Variants in PABPC4L observed in about 807,000 individuals in gnomAD.
PABPC4L encodes the protein polyadenylate-binding protein 4-like.
For missense variants in PABPC4L, 452 were observed against 451.4 expected, an observed-to-expected ratio of 1.00 and a Z score of -0.01; for synonymous variants, 169 against 164.1, an observed-to-expected ratio of 1.03 and a Z score of -0.23.
the PABPC4L span, among the ~76,000 whole-genome samples, chr4:133,997,116 C>T: frequency 6.6e-6 from 1 of 152,060 alleles, no homozygotes; most frequent in South Asian, 2.1e-4. Flanking sequence ...ACAATTAAGG[C>T]CTCTCTATTA....
At chr4:134,037,987 G>A in the PABPC4L span, among the ~76,000 whole-genome samples, 1 of 152,082 alleles carries the variant, frequency 6.6e-6, no homozygotes, top group African/African-American at 2.4e-5. Context: ...ATTATTTTGA[G>A]ATACGTTTCA....
chr4:134,126,637 CA>C, the PABPC4L span, among the ~76,000 whole-genome samples: 1 of 151,898 alleles, frequency 6.6e-6, no homozygotes, highest in Non-Finnish European at 1.5e-5. Flanking sequence ...ATAAAACTTC[CA>C]AATTGTAATT....
the PABPC4L span, among the ~76,000 whole-genome samples, chr4:133,973,522 C>T: frequency 1.3e-5 from 2 of 152,040 alleles, no homozygotes; most frequent in Admixed American, 6.6e-5. Context: ...AATCCCATTC[C>T]CTTCTCCATG....
At chr4:134,172,009 A>C in the PABPC4L span, among the ~76,000 whole-genome samples, 3 of 152,142 alleles carry the variant, frequency 2.0e-5, no homozygotes, top group Non-Finnish European at 4.4e-5. Context: ...GCTCAAAAAA[A>C]TCAAAGATGA....
At chr4:134,126,854 AG>A in the PABPC4L span, among the ~76,000 whole-genome samples, 1 of 152,112 alleles carries the variant, frequency 6.6e-6, no homozygotes, top group Non-Finnish European at 1.5e-5. Flanking sequence ...CTGCTTTCTA[AG>A]ATGGGAGGCT....
the PABPC4L span, among the ~76,000 whole-genome samples, chr4:133,996,289 G>C: frequency 5.3e-5 from 8 of 152,056 alleles, no homozygotes; most frequent in Non-Finnish European, 1.2e-4. Flanking sequence ...ATTGGGACCT[G>C]TTGCCCTTGT....
At chr4:134,128,018 G>A in the PABPC4L span, among the ~76,000 whole-genome samples, 1 of 152,050 alleles carries the variant, frequency 6.6e-6, no homozygotes, top group Non-Finnish European at 1.5e-5. Context: ...AAAATACACT[G>A]GAAAGTTTCA....
chr4:134,129,929 G>A, the PABPC4L span, among the ~76,000 whole-genome samples: 2 of 151,908 alleles, frequency 1.3e-5, no homozygotes, highest in African/African-American at 4.8e-5. Flanking sequence ...GCCAGGCGTG[G>A]TGGTGTGCAC....
chr4:134,087,232 A>G, the PABPC4L span, among the ~76,000 whole-genome samples: 3 of 152,078 alleles, frequency 2.0e-5, no homozygotes, highest in African/African-American at 7.2e-5. Flanking sequence ...CATATACACC[A>G]TGGAATACTA....
the PABPC4L span, among the ~76,000 whole-genome samples, chr4:134,170,394 G>A: frequency 6.6e-6 from 1 of 152,196 alleles, no homozygotes; most frequent in Admixed American, 6.5e-5. Flanking sequence ...ATGATAGAAT[G>A]TATCAGTCCA....
chr4:134,081,348 G>C, the PABPC4L span, among the ~76,000 whole-genome samples: 2 of 152,130 alleles, frequency 1.3e-5, no homozygotes, highest in African/African-American at 2.4e-5. Flanking sequence ...GCTAGTTGAG[G>C]TTCCAAAGAA....
At chr4:134,125,202 A>G in the PABPC4L span, among the ~76,000 whole-genome samples, 1 of 152,208 alleles carries the variant, frequency 6.6e-6, no homozygotes, top group Non-Finnish European at 1.5e-5. Flanking sequence ...ACCCTGATGG[A>G]AAAAAACCAA....
chr4:134,137,988 C>T, the PABPC4L span, among the ~76,000 whole-genome samples: 1 of 151,744 alleles, frequency 6.6e-6, no homozygotes, highest in African/African-American at 2.4e-5. Context: ...TTACTGTACC[C>T]ATTCCACTAC....
the PABPC4L span, among the ~76,000 whole-genome samples, chr4:133,962,116 A>C: frequency 6.6e-6 from 1 of 152,206 alleles, no homozygotes; most frequent in Non-Finnish European, 1.5e-5. Context: ...CCCGTGGGAC[A>C]AAAGAATCTG....
chr4:133,984,202 A>G, the PABPC4L span, among the ~76,000 whole-genome samples: 11 of 151,998 alleles, frequency 7.2e-5, 1 homozygote, highest in South Asian at 2.1e-3. Flanking sequence ...GACTTTAAAA[A>G]CAATTTCTAA....
At chr4:134,047,290 G>A in the PABPC4L span, among the ~76,000 whole-genome samples, 2 of 152,142 alleles carry the variant, frequency 1.3e-5, no homozygotes, top group African/African-American at 4.8e-5. Context: ...AGGGTTGAAA[G>A]AGCTTTGAAA....
the PABPC4L span, among the ~76,000 whole-genome samples, chr4:133,980,620 T>C: frequency 1.3e-5 from 2 of 152,148 alleles, no homozygotes; most frequent in Admixed American, 1.3e-4. Flanking sequence ...GGTCACCCCA[T>C]TTTATGAGAC....
the PABPC4L span, among the ~76,000 whole-genome samples, chr4:134,026,552 A>G: frequency 6.6e-6 from 1 of 152,146 alleles, no homozygotes; most frequent in Non-Finnish European, 1.5e-5. Context: ...AAATGAACTA[A>G]AACTGCCATA....
At chr4:134,155,309 C>A in the PABPC4L span, among the ~76,000 whole-genome samples, 1 of 151,764 alleles carries the variant, frequency 6.6e-6, no homozygotes, top group Non-Finnish European at 1.5e-5. Flanking sequence ...ATTTTTCTTA[C>A]AAACTCTGAT....
Sources: allele counts gnomAD v4.1 joint callset (sites outside exome capture counted in the v4.1 genomes callset), GRCh38; gene constraint gnomAD v4.1.1; transcripts MANE v1.5; gene names NCBI Gene and HGNC (gene_info 2026-07-23, HGNC 2026-07-21).